Variants in KCNMA1 observed in about 807,000 individuals in gnomAD.
KCNMA1 encodes the protein Calcium-activated potassium channel subunit alpha-1.
Under a neutral mutation model 140.0 loss-of-function variants are expected in KCNMA1, and 29 were observed. That is an observed-to-expected ratio of 0.21 (90% CI 0.15 to 0.28). The LOEUF (loss-of-function observed/expected upper bound fraction) is 0.28, where lower values mean the gene tolerates loss of function less well. Ranked by LOEUF, KCNMA1 falls within the 10% of genes least tolerant of loss-of-function variation. KCNMA1 has a pLI of 1.00. For synonymous variants in KCNMA1, 612 were observed against 611.9 expected, an observed-to-expected ratio of 1.00 and a Z score of 0.00; for missense variants, 880 against 1,602.2, an observed-to-expected ratio of 0.55 and a Z score of 7.70.
intron 20 of KCNMA1, among the ~76,000 whole-genome samples, chr10:76,954,365 G>A (rs1388967130): frequency 6.6e-6 from 1 of 152,190 alleles, no homozygotes; most frequent in Non-Finnish European, 1.5e-5. Flanking sequence ...AATAGGAATA[G>A]AGCCTCATGC....
intron 14 of KCNMA1, among the ~76,000 whole-genome samples, chr10:77,068,428 T>G (rs145437608): frequency 1.3e-5 from 2 of 152,088 alleles, no homozygotes; most frequent in African/African-American, 4.8e-5. Flanking sequence ...GACAAAAACT[T>G]TGTGTGTCCA....
chr10:76,948,315 C>T (rs2064995495), intron 22 of KCNMA1, among the ~76,000 whole-genome samples: 1 of 152,174 alleles, frequency 6.6e-6, no homozygotes, highest in Non-Finnish European at 1.5e-5. Context: ...CCCTGTTTCT[C>T]AGTTTCAGGG....
Position 76,923,520 on chromosome 10 carries a change from G to A in KCNMA1, c.2903-8471C>T, listed in dbSNP as rs145125034. Among the ~76,000 whole-genome samples the A allele has an allele frequency of 5.9e-5, 9 of 151,880 alleles. No homozygotes were observed. In the East Asian group the frequency reaches 1.5e-3, roughly 26 times the overall value. On this transcript the variant is annotated intron_variant, in intron 23 of 27. Transcript: ENST00000286628. ...AGGGTTGGTTAAGGGGAGGAAGGAAGAAAAAGACAAAGCTAGTAACAACTC... is the reference window on the plus strand; with the variant it reads ...AGGGTTGGTTAAGGGGAGGAAGGAAAAAAAAGACAAAGCTAGTAACAACTC...
chr10:76,873,588 C>A (rs910096179), downstream of KCNMA1: 3 of 152,122 alleles, frequency 2.0e-5, no homozygotes, highest in East Asian at 5.8e-4. Flanking sequence ...GCTTTACCAC[C>A]ATTCCAAAAG....
intron 1 of KCNMA1, among the ~76,000 whole-genome samples, chr10:77,557,649 T>G (rs1207553496): frequency 1.3e-5 from 1 of 76,958 alleles, no homozygotes; most frequent in Non-Finnish European, 2.4e-5. Context: ...GAAGTGATTT[T>G]TTTTTTTTTT....
chr10:77,155,346 AT>A (rs2098470766), intron 5 of KCNMA1, among the ~76,000 whole-genome samples: 2 of 152,234 alleles, frequency 1.3e-5, no homozygotes, highest in Admixed American at 6.5e-5. Context: ...CTCTGTAATC[AT>A]TTTTAAATCA....
chr10:77,598,048 T>C (rs2081440986), intron 1 of KCNMA1, among the ~76,000 whole-genome samples: 1 of 152,202 alleles, frequency 6.6e-6, no homozygotes, highest in Non-Finnish European at 1.5e-5. Flanking sequence ...CTCGGTTCAC[T>C]GCAACCTCCG....
At chr10:76,982,458 T>C (rs1354741933) in intron 19 of KCNMA1, among the ~76,000 whole-genome samples, 1 of 152,004 alleles carries the variant, frequency 6.6e-6, no homozygotes, top group African/African-American at 2.4e-5. Flanking sequence ...CCCATGATGC[T>C]GAACAGACTA....
chr10:77,046,173 A>C (rs1009168017), intron 14 of KCNMA1, among the ~76,000 whole-genome samples: 1 of 152,232 alleles, frequency 6.6e-6, no homozygotes, highest in Non-Finnish European at 1.5e-5. Flanking sequence ...CTGAATTTTC[A>C]GTAAATATTC....
intron 1 of KCNMA1, among the ~76,000 whole-genome samples, chr10:77,465,323 T>C (rs1289976847): frequency 6.6e-6 from 1 of 152,240 alleles, no homozygotes; most frequent in Non-Finnish European, 1.5e-5. Flanking sequence ...TCTACAGCTA[T>C]GGAGGGTGTT....
At chr10:77,085,008 A>T (rs1284389275) in intron 11 of KCNMA1, among the ~76,000 whole-genome samples, 1 of 152,184 alleles carries the variant, frequency 6.6e-6, no homozygotes, top group African/African-American at 2.4e-5. Flanking sequence ...TTCTTTAAAT[A>T]ACAATTAATT....
At chr10:77,100,063 C>T (rs994160052) in intron 9 of KCNMA1, among the ~76,000 whole-genome samples, 18 of 152,146 alleles carry the variant, frequency 1.2e-4, no homozygotes, top group African/African-American at 3.9e-4. Flanking sequence ...AAGAGCATTT[C>T]ACTGGGAAGA....
chr10:77,237,082 T>C (rs2055766743), intron 3 of KCNMA1, among the ~76,000 whole-genome samples: 2 of 152,392 alleles, frequency 1.3e-5, no homozygotes, highest in Middle Eastern at 3.4e-3. Flanking sequence ...CTTATTTTGT[T>C]TCTTAACTTC....
intron 1 of KCNMA1, among the ~76,000 whole-genome samples, chr10:77,569,496 T>A (rs1475555429): frequency 2.0e-5 from 3 of 149,358 alleles, no homozygotes; most frequent in African/African-American, 7.4e-5. Context: ...AACGATTCCC[T>A]ATTTAATAAA....
At chr10:77,506,377 A>G (rs889645841) in intron 1 of KCNMA1, among the ~76,000 whole-genome samples, 3 of 152,192 alleles carry the variant, frequency 2.0e-5, no homozygotes, top group Admixed American at 6.5e-5. Context: ...TCATTCTAAT[A>G]TCAAAAGAGG....
chr10:77,530,415 C>T (rs1244907358), intron 1 of KCNMA1, among the ~76,000 whole-genome samples: 1 of 152,174 alleles, frequency 6.6e-6, no homozygotes. Flanking sequence ...ACATAAAATG[C>T]AGTAAATCAT....
chr10:77,167,064 C>T (rs562654644), intron 5 of KCNMA1, among the ~76,000 whole-genome samples: 11 of 152,220 alleles, frequency 7.2e-5, no homozygotes, highest in Admixed American at 2.0e-4. Context: ...AACACCAAGT[C>T]TTATTTCTTC....
At chr10:77,619,379 G>A (rs535463114) in intron 1 of KCNMA1, among the ~76,000 whole-genome samples, 2 of 149,502 alleles carry the variant, frequency 1.3e-5, no homozygotes, top group South Asian at 2.1e-4. Flanking sequence ...TCTCACTCTC[G>A]CTCTTCCCCC....
At chr10:77,631,130 G>T (rs903627947) in intron 1 of KCNMA1, among the ~76,000 whole-genome samples, 12 of 114,904 alleles carry the variant, frequency 1.0e-4, no homozygotes, top group African/African-American at 3.8e-4. Context: ...AAAAAAAAAA[G>T]TTTGAGAAGC....
Sources: allele counts gnomAD v4.1 joint callset (sites outside exome capture counted in the v4.1 genomes callset), GRCh38; gene constraint gnomAD v4.1.1; transcripts MANE v1.5; gene names NCBI Gene and HGNC (gene_info 2026-07-23, HGNC 2026-07-21).